Variants in EYA4 observed in about 807,000 individuals in gnomAD.
EYA4 encodes the protein protein phosphatase EYA4.
EYA4 carries 31 observed loss-of-function variants against 87.9 expected under a neutral mutation model. That is an observed-to-expected ratio of 0.35 (90% CI 0.27 to 0.48). The LOEUF (loss-of-function observed/expected upper bound fraction) is 0.48. EYA4 is among the 20% of genes least tolerant of loss of function. EYA4 has a pLI of 0.99. For missense variants in EYA4, 678 were observed against 761.4 expected, an observed-to-expected ratio of 0.89 and a Z score of 1.29; for synonymous variants, 263 against 270.6, an observed-to-expected ratio of 0.97 and a Z score of 0.28.
chr6:133,253,198 G>T (rs1189865931), intron 1 of EYA4, among the ~76,000 whole-genome samples: 1 of 152,118 alleles, frequency 6.6e-6, no homozygotes, highest in African/African-American at 2.4e-5. Context: ...CGTTCTCGGG[G>T]AGTGTTGCGG....
At chr6:133,494,495 T>C (rs370220908) in intron 13 of EYA4, among the ~76,000 whole-genome samples, 1 of 152,102 alleles carries the variant, frequency 6.6e-6, no homozygotes, top group African/African-American at 2.4e-5. Flanking sequence ...TAGTATTTGA[T>C]AGCACATCAG....
At chr6:133,244,869 GAT>G (rs1774278642) in intron 1 of EYA4, among the ~76,000 whole-genome samples, 1 of 151,992 alleles carries the variant, frequency 6.6e-6, no homozygotes, top group Non-Finnish European at 1.5e-5. Flanking sequence ...TTTTTAGAAA[GAT>G]AGAATGACAG....
At chr6:133,512,606 G>T in intron 14 of EYA4, 115 bp from the exon 15 acceptor site, 2 of 822,146 alleles carry the variant, frequency 2.4e-6, no homozygotes, top group South Asian at 2.7e-5. Context: ...AGATGGACGG[G>T]CACATGCTGC....
intron 2 of EYA4, among the ~76,000 whole-genome samples, chr6:133,366,804 G>A (rs1324938840): frequency 2.0e-5 from 3 of 152,174 alleles, no homozygotes; most frequent in East Asian, 1.9e-4. Context: ...TTGATTTCAT[G>A]TGGTCTTTTT....
intron 1 of EYA4, among the ~76,000 whole-genome samples, chr6:133,269,275 CAAAA>C (rs948851257): frequency 3.9e-5 from 6 of 151,966 alleles, no homozygotes; most frequent in Non-Finnish European, 7.4e-5. Flanking sequence ...ACAAAACAAA[CAAAA>C]AAACCGAATG....
At chr6:133,329,044 G>C (rs1814195) in intron 2 of EYA4, among the ~76,000 whole-genome samples, 67,118 of 151,836 alleles carry the variant, frequency 0.44, 15,469 homozygotes, top group Non-Finnish European at 0.53. Flanking sequence ...AGAAGCCTCT[G>C]TTAGGGTAAT....
At position 133,297,143 on chromosome 6, in the gene EYA4, T is replaced by C. The variant is rs570239666; in HGVS notation, c.33+22330T>C. On this transcript the variant is annotated intron_variant, in intron 2 of 19. Coordinates refer to ENST00000355286, the MANE Select transcript of EYA4 (RefSeq NM_004100.5). ...CTCTTTGTTTTAAGGTCCTTTTTGT[T>C]TTTTATGAATGTGTCTACACACATG... Among the ~76,000 whole-genome samples the C allele has an allele frequency of 1.5e-3, 232 of 152,328 alleles. 1 individual carries two copies. The highest frequency in any genetic ancestry group is 4.9e-4 in the Non-Finnish European group (33 of 68,030).
chr6:133,407,475 T>G (rs990797811), intron 3 of EYA4, among the ~76,000 whole-genome samples: 1 of 151,994 alleles, frequency 6.6e-6, no homozygotes, highest in African/African-American at 2.4e-5. Flanking sequence ...TCTTGGAGCC[T>G]TCAGATTTTT....
intron 3 of EYA4, among the ~76,000 whole-genome samples, chr6:133,432,334 G>A (rs1186206883): frequency 2.6e-5 from 4 of 152,188 alleles, no homozygotes; most frequent in African/African-American, 7.2e-5. Context: ...GAATATTTAT[G>A]CCAGCCACAT....
intron 3 of EYA4, among the ~76,000 whole-genome samples, chr6:133,435,879 A>C (rs182061498): frequency 2.0e-5 from 3 of 151,892 alleles, no homozygotes; most frequent in Non-Finnish European, 4.4e-5. Context: ...GCACACACAC[A>C]CACCCCCCCT....
At chr6:133,254,384 G>A (rs929131446) in intron 1 of EYA4, among the ~76,000 whole-genome samples, 2 of 152,090 alleles carry the variant, frequency 1.3e-5, no homozygotes, top group Non-Finnish European at 2.9e-5. Context: ...AATCCCAGAT[G>A]TATCTATTAA....
intron 1 of EYA4, among the ~76,000 whole-genome samples, chr6:133,242,058 G>C (rs1275666227): frequency 6.6e-6 from 1 of 152,368 alleles, no homozygotes; most frequent in South Asian, 2.1e-4. Context: ...CGCGGAGCCT[G>C]CGCGTAACGG....
At chr6:133,431,005 TGAA>T (rs2128584981) in intron 3 of EYA4, among the ~76,000 whole-genome samples, 1 of 152,220 alleles carries the variant, frequency 6.6e-6, no homozygotes, top group East Asian at 1.9e-4. Context: ...ACACAGGACA[TGAA>T]GAATGGCTGG....
intron 3 of EYA4, among the ~76,000 whole-genome samples, chr6:133,437,835 G>A (rs1302619671): frequency 2.0e-5 from 3 of 152,126 alleles, no homozygotes; most frequent in South Asian, 2.1e-4. Context: ...GGGGGAGACC[G>A]CCCCTATGAC....
intron 3 of EYA4, among the ~76,000 whole-genome samples, chr6:133,415,437 T>C (rs1367201852): frequency 6.6e-6 from 1 of 152,302 alleles, no homozygotes; most frequent in Non-Finnish European, 1.5e-5. Flanking sequence ...CGGTCTTTTC[T>C]GGGCTGCTGG....
At chr6:133,406,174 G>C (rs1195189657) in intron 3 of EYA4, among the ~76,000 whole-genome samples, 1 of 152,074 alleles carries the variant, frequency 6.6e-6, no homozygotes, top group Non-Finnish European at 1.5e-5. Context: ...CCATGGGCCA[G>C]GTTCTATCTT....
chr6:133,466,475 G>C (rs894328975), intron 10 of EYA4, among the ~76,000 whole-genome samples: 3 of 152,096 alleles, frequency 2.0e-5, no homozygotes, highest in Non-Finnish European at 4.4e-5. Flanking sequence ...AGGTGGGGCT[G>C]GAGTAGATCA....
chr6:133,303,006 C>T (rs565892777), intron 2 of EYA4, among the ~76,000 whole-genome samples: 39 of 152,212 alleles, frequency 2.6e-4, no homozygotes, highest in African/African-American at 8.7e-4. Flanking sequence ...ACATCCACAG[C>T]CAATATGTTA....
intron 13 of EYA4, among the ~76,000 whole-genome samples, chr6:133,486,856 G>T (rs1796728034): frequency 6.6e-6 from 1 of 152,230 alleles, no homozygotes; most frequent in Non-Finnish European, 1.5e-5. Context: ...TCCACTGATT[G>T]TCCTCCCTGC....
Sources: allele counts gnomAD v4.1 joint callset (sites outside exome capture counted in the v4.1 genomes callset), GRCh38; gene constraint gnomAD v4.1.1; transcripts MANE v1.5; gene names NCBI Gene and HGNC (gene_info 2026-07-23, HGNC 2026-07-21).